The following WDR1 variants were observed in gnomAD, a reference collection of about 807,000 sequenced individuals.
WDR1 encodes WD repeat-containing protein 1.
In WDR1, 21 loss-of-function variants were observed where a neutral mutation model predicts 71.9. That is an observed-to-expected ratio of 0.29 (90% confidence interval 0.21 to 0.42). WDR1 has a LOEUF of 0.42. WDR1 is among the 10% of genes least tolerant of loss of function. The pLI is 1.00. For synonymous variants in WDR1, 424 were observed against 347.4 expected, an observed-to-expected ratio of 1.22 and a Z score of -2.45; for missense variants, 696 against 824.5, an observed-to-expected ratio of 0.84 and a Z score of 1.91.
chr4:10,100,686 C>T (rs1416560071), intron 3 of WDR1, among the ~76,000 whole-genome samples: 5 of 152,184 alleles, frequency 3.3e-5, no homozygotes, highest in African/African-American at 9.6e-5. Context: ...AGGAAGACCA[C>T]CTGCTGTGCT....
intron 2 of WDR1, chr4:10,115,864 C>CA (rs778680969): frequency 1.3e-4 from 64 of 476,380 alleles, no homozygotes; most frequent in Non-Finnish European, 2.3e-4. Context: ...CCGGCGCTTT[C>CA]AGGGTGCTAT....
At chr4:10,082,403 C>G (rs962362037) in intron 10 of WDR1, among the ~76,000 whole-genome samples, 2 of 152,178 alleles carry the variant, frequency 1.3e-5, no homozygotes, top group Non-Finnish European at 2.9e-5. Context: ...GGGGTCAGAC[C>G]TGGGCATGGG....
rs1711691511 is a variant in WDR1, at chr4:10,087,903, G to A, written c.755C>T (p.Ala252Val). ...AATCTTGGAAGTTTTGTCCCCAGAA[G>A]CAGAAAGCAAATGGGTGCTGTCGGG... ...WSPDSTHLLS[A>V]SGDKTSKIWD... The change falls in exon 8 of 15, where the codon GCT (alanine) becomes GTT (valine). Residue 252 changes from alanine (A) to valine (V), a missense_variant. Physicochemically the swap from Ala to Val is moderately conservative, Grantham distance 64. Coordinates refer to ENST00000499869, the MANE Select transcript of WDR1 (RefSeq NM_017491.5). 11 of 1,560,390 alleles carry A rather than the reference G, an allele frequency of 7.0e-6. No homozygotes were observed. Among genetic ancestry groups the A allele is most frequent in the African/African-American group, 1.4e-5 (1 of 73,608 alleles).
In WDR1 at chr4:10,103,921, G is replaced by A. The variant is rs1712861014; in HGVS notation, c.204C>T (p.Pro68=). 6.3e-7 allele frequency: 1 copy of A among 1,597,634 alleles called. No homozygotes were observed. The highest frequency in any genetic ancestry group is 1.1e-5 in the South Asian group (1 of 87,732). The change falls in exon 3 of 15, where the codon CCC becomes CCT. Residue 68 remains proline, a synonymous_variant. Coordinates refer to ENST00000499869, the MANE Select transcript of WDR1 (RefSeq NM_017491.5). The stretch of plus-strand genomic sequence containing the variant: ...CTCCGGAGGCAATGTAGAATCCGCT[G>A]GGCGCATACTTGGCCACCACCACCT... The part of the protein sequence containing the change: ...AHQVVVAKYA[P]SGFYIASGDV...
chr4:10,077,237 C>T lies in WDR1; in HGVS notation c.1714+67G>A, dbSNP rs1764833686. On this transcript the variant is annotated intron_variant, in intron 14 of 14. Coordinates refer to ENST00000499869, the MANE Select transcript of WDR1 (RefSeq NM_017491.5). ...CTGGGGACTGAAGCCAGGGGACAGC[C>T]TGTGAGGTGGCCCATGGAGCCCCGA... 4.1e-5 allele frequency: 66 copies of T among 1,596,880 alleles called. 2 individuals are homozygous for T. The South Asian group carries it at 7.2e-4, about 17-fold the overall frequency.
chr4:10,105,673 G>A (rs1423309298), intron 2 of WDR1, among the ~76,000 whole-genome samples: 5 of 152,144 alleles, frequency 3.3e-5, no homozygotes, highest in Non-Finnish European at 4.4e-5. Flanking sequence ...CACTGCTGGT[G>A]GAAATGCAAA....
In WDR1 at chr4:10,093,697, A is replaced by G. The variant is rs1003181664; in HGVS notation, c.558+4014T>C. Reference sequence around the variant, plus strand: ...GTCACCCTCCCTGCTGTCAGCCCCCAGTTTTCAGGAGTCAGCCATCAGCCC... The same window carrying G: ...GTCACCCTCCCTGCTGTCAGCCCCCGGTTTTCAGGAGTCAGCCATCAGCCC... On this transcript the variant is annotated intron_variant, in intron 5 of 14. Transcript: ENST00000499869. 6.6e-5 allele frequency among the ~76,000 whole-genome samples: 10 copies of G among 152,256 alleles called. No homozygotes were observed. In the East Asian group the frequency reaches 1.9e-3, roughly 30 times the overall value.
At chr4:10,097,326 G>A (rs1477399349) in intron 5 of WDR1, among the ~76,000 whole-genome samples, 1 of 152,272 alleles carries the variant, frequency 6.6e-6, no homozygotes, top group Non-Finnish European at 1.5e-5. Flanking sequence ...TGGATGTCCC[G>A]CAAGCTCCCT....
rs908518785 is a variant in WDR1, at chr4:10,116,378, G to A, written c.17-144C>T. The A allele has an allele frequency of 2.5e-5, 31 of 1,257,356 alleles. No homozygotes were observed. The African/African-American group carries it at 4.4e-4, about 18-fold the overall frequency. 77.9% of individuals were successfully genotyped at this position (1,257,356 alleles called of 1,614,324 possible). ...GGCCTCCACTTTCCACGAGCGCCAG[G>A]AACCGCGCGACTTCCTGGTCCGCGC... On this transcript the variant is annotated intron_variant, in intron 1 of 14. Coordinates refer to ENST00000499869, the MANE Select transcript of WDR1 (RefSeq NM_017491.5).
At chr4:10,115,527 T>C (rs1713658938) in intron 2 of WDR1, among the ~76,000 whole-genome samples, 1 of 152,028 alleles carries the variant, frequency 6.6e-6, no homozygotes, top group Admixed American at 6.5e-5. Context: ...TAACAGCGAG[T>C]TAGCTGAGTG....
chr4:10,116,238 C>A lies in WDR1; in HGVS notation c.17-4G>T, dbSNP rs1465691318. On this transcript the variant is annotated splice_region_variant and splice_polypyrimidine_tract_variant and intron_variant, in intron 1 of 14. Coordinates refer to ENST00000499869, the MANE Select transcript of WDR1 (RefSeq NM_017491.5). ...GGGAGGCTGGCGAACACCTTCTCTG[C>A]GGAGACACAAATGCGGCGGGGCATG... 3 of 1,613,272 alleles carry A rather than the reference C, an allele frequency of 1.9e-6. No homozygotes were observed. The Admixed American group carries it at 5.0e-5, about 27-fold the overall frequency.
chr4:10,077,122 C>A, intron 14 of WDR1, 182 bp downstream of exon 14: 2 of 891,840 alleles, frequency 2.2e-6, no homozygotes, highest in Non-Finnish European at 3.3e-6. Context: ...TCCCTCAGTA[C>A]GGCCAGCAGC....
intron 10 of WDR1, among the ~76,000 whole-genome samples, chr4:10,081,970 T>C (rs1423201858): frequency 6.6e-6 from 1 of 152,146 alleles, no homozygotes; most frequent in African/African-American, 2.4e-5. Flanking sequence ...TCAAGGAAAT[T>C]TCTGTGTCAC....
At chr4:10,108,667 G>C (rs1392428847) in intron 2 of WDR1, among the ~76,000 whole-genome samples, 1 of 152,214 alleles carries the variant, frequency 6.6e-6, no homozygotes, top group Middle Eastern at 3.2e-3. Context: ...ATGTTCACTG[G>C]TGACTACAAC....
chr4:10,090,245 A>G (rs1711882027), intron 5 of WDR1, among the ~76,000 whole-genome samples: 1 of 152,226 alleles, frequency 6.6e-6, no homozygotes, highest in South Asian at 2.1e-4. Flanking sequence ...GCACACTAAC[A>G]CATGTCATCA....
intron 4 of WDR1, 106 bp from the exon 5 acceptor site, chr4:10,097,997 G>C (rs1712456629): frequency 8.3e-7 from 1 of 1,198,280 alleles, no homozygotes; most frequent in Non-Finnish European, 1.1e-6. Flanking sequence ...AGAGGATGGA[G>C]TGACTGTCAG....
intron 14 of WDR1, chr4:10,076,091 GC>G (rs1764790646): frequency 6.5e-6 from 1 of 153,018 alleles, no homozygotes; most frequent in Non-Finnish European, 1.5e-5. Flanking sequence ...GAGGCTCCCA[GC>G]TGCAGGCAAG....
intron 7 of WDR1, 35 bp downstream of exon 7, chr4:10,088,258 C>A (rs1013815592): frequency 1.0e-5 from 16 of 1,545,290 alleles, no homozygotes; most frequent in Non-Finnish European, 1.4e-5. Context: ...CGGCCAAATT[C>A]CCACCACTAG....
intron 5 of WDR1, among the ~76,000 whole-genome samples, chr4:10,090,603 T>C (rs552390176): frequency 6.6e-6 from 1 of 152,318 alleles, no homozygotes; most frequent in Non-Finnish European, 1.5e-5. Context: ...CAACCCAAAC[T>C]TGCTTGCCTC....
Sources: gnomAD v4.1 joint callset for allele counts (sites outside exome capture counted in the v4.1 genomes callset) on GRCh38, gnomAD v4.1.1 for gene constraint, MANE v1.5 for transcripts, NCBI Gene and HGNC (gene_info 2026-07-23, HGNC 2026-07-21) for gene names.